The following GLIS3 variants were observed in gnomAD, a reference collection of about 807,000 sequenced individuals.
GLIS3 encodes the protein GLIS family zinc finger 3.
GLIS3 carries 53 observed loss-of-function variants against 78.6 expected under a neutral mutation model. That is an observed-to-expected ratio of 0.67 (90% CI 0.54 to 0.85). The LOEUF is 0.85. Ranked by LOEUF, GLIS3 falls within the 40% of genes least tolerant of loss-of-function variation. The probability of loss-of-function intolerance (pLI) is 0.00; values close to 1 mark genes in which losing one functional copy is unlikely to be tolerated. For missense variants in GLIS3, 1,703 were observed against 1,231.1 expected (o/e 1.38, Z -5.74); for synonymous variants, 684 against 509.9 (o/e 1.34, Z -4.60).
At chr9:4,027,528 AT>A (rs1478500521) in intron 4 of GLIS3, among the ~76,000 whole-genome samples, 4 of 151,936 alleles carry the variant, frequency 2.6e-5, no homozygotes, top group Non-Finnish European at 5.9e-5. Flanking sequence ...TCCCAATTCT[AT>A]TGTTCAGTTA....
the GLIS3 span, among the ~76,000 whole-genome samples, chr9:4,397,024 C>CTT: frequency 4.5e-4 from 54 of 121,196 alleles, no homozygotes; most frequent in South Asian, 8.2e-4. Context: ...TTCTTTTTTT[C>CTT]TTTTTTTTTT....
intron 4 of GLIS3, among the ~76,000 whole-genome samples, chr9:4,084,239 C>T (rs1828807880): frequency 7.4e-6 from 1 of 134,806 alleles, no homozygotes; most frequent in African/African-American, 2.7e-5. Flanking sequence ...ATCTCTCTCT[C>T]CTTCCTTCCT....
At chr9:4,364,957 T>C in the GLIS3 span, among the ~76,000 whole-genome samples, 2 of 152,062 alleles carry the variant, frequency 1.3e-5, no homozygotes, top group East Asian at 3.9e-4. Flanking sequence ...CATTTGTTGC[T>C]TTTAAAATAA....
At chr9:4,223,401 T>A (rs1268339413) in intron 2 of GLIS3, among the ~76,000 whole-genome samples, 1 of 152,216 alleles carries the variant, frequency 6.6e-6, no homozygotes, top group East Asian at 1.9e-4. Flanking sequence ...GCCTGTTAAG[T>A]GTGCCTCCCT....
At chr9:4,360,460 A>G in the GLIS3 span, among the ~76,000 whole-genome samples, 4 of 152,164 alleles carry the variant, frequency 2.6e-5, no homozygotes, top group East Asian at 7.7e-4. Context: ...ATTACTAGTA[A>G]TATTAATTTG....
At chr9:4,186,935 T>C (rs973291156) in intron 2 of GLIS3, among the ~76,000 whole-genome samples, 1 of 152,164 alleles carries the variant, frequency 6.6e-6, no homozygotes, top group African/African-American at 2.4e-5. Flanking sequence ...TTTTCTCCCA[T>C]TCTGTAGGTT....
At chr9:4,155,902 G>A (rs1337945067) in intron 2 of GLIS3, among the ~76,000 whole-genome samples, 1 of 152,152 alleles carries the variant, frequency 6.6e-6, no homozygotes, top group East Asian at 1.9e-4. Flanking sequence ...CACTGCTCAA[G>A]ATCATAGGAA....
chr9:4,084,284 C>A (rs1828821016), intron 4 of GLIS3, among the ~76,000 whole-genome samples: 1 of 138,942 alleles, frequency 7.2e-6, no homozygotes, highest in Non-Finnish European at 1.6e-5. Context: ...CACACACACA[C>A]ACACACACAC....
At chr9:3,935,215 G>A (rs1213807682) in intron 5 of GLIS3, among the ~76,000 whole-genome samples, 1 of 152,076 alleles carries the variant, frequency 6.6e-6, no homozygotes, top group South Asian at 2.1e-4. Context: ...AATCAAGTGT[G>A]TGATTTCTAT....
intron 2 of GLIS3, among the ~76,000 whole-genome samples, chr9:4,146,590 TAA>T (rs1834242288): frequency 1.3e-5 from 2 of 152,156 alleles, no homozygotes; most frequent in African/African-American, 4.8e-5. Flanking sequence ...TTGAAAAGAA[TAA>T]AAGTCTTATC....
Position 4,251,429 on chromosome 9 carries a change from CTT to C in GLIS3, c.388+34607_388+34608del, listed in dbSNP as rs55764240. 0.02 allele frequency among the ~76,000 whole-genome samples: 791 copies of C among 39,630 alleles called. 19 individuals are homozygous for C. The East Asian group carries it at 0.34, about 17-fold the overall frequency. The allele number at this position is 39,630 out of a possible 152,430, so 26.0% of individuals were successfully genotyped here. On this transcript the variant is annotated intron_variant, in intron 2 of 10. Coordinates refer to ENST00000381971, the MANE Select transcript of GLIS3 (RefSeq NM_001042413.2). Reference sequence around the variant, plus strand: ...TTTTATTAGAGACTAGGATTGCAATCTTTTTTTTTTTTTTTTGCTTTCCATTT... The same window carrying C: ...TTTTATTAGAGACTAGGATTGCAATCTTTTTTTTTTTTTTGCTTTCCATTT...
intron 9 of GLIS3, among the ~76,000 whole-genome samples, chr9:3,835,271 A>C (rs550240479): frequency 6.6e-6 from 1 of 152,326 alleles, no homozygotes; most frequent in South Asian, 2.1e-4. Context: ...CAGTAGGCTC[A>C]GACTGGACCA....
intron 2 of GLIS3, among the ~76,000 whole-genome samples, chr9:4,262,846 T>C (rs1347752703): frequency 6.6e-6 from 1 of 150,936 alleles, no homozygotes; most frequent in Non-Finnish European, 1.5e-5. Flanking sequence ...GAAAGGAATG[T>C]AGTGATCTAG....
intron 4 of GLIS3, among the ~76,000 whole-genome samples, chr9:4,024,680 T>A (rs1823174780): frequency 6.6e-6 from 1 of 152,208 alleles, no homozygotes; most frequent in Non-Finnish European, 1.5e-5. Context: ...CTGTACCGAT[T>A]CACAGGGCAA....
chr9:4,186,441 T>C (rs1278392283), intron 2 of GLIS3, among the ~76,000 whole-genome samples: 2 of 152,010 alleles, frequency 1.3e-5, no homozygotes, highest in African/African-American at 2.4e-5. Context: ...CTGTTGTGAA[T>C]AGTGCCACAA....
At chr9:4,213,674 A>C (rs1018675262) in intron 2 of GLIS3, among the ~76,000 whole-genome samples, 1 of 152,256 alleles carries the variant, frequency 6.6e-6, no homozygotes, top group Non-Finnish European at 1.5e-5. Flanking sequence ...TATCTTGTTC[A>C]CTGCTGAAAC....
intron 7 of GLIS3, among the ~76,000 whole-genome samples, chr9:3,887,333 T>C (rs1822147234): frequency 6.6e-6 from 1 of 152,198 alleles, no homozygotes; most frequent in Non-Finnish European, 1.5e-5. Flanking sequence ...AACATATTCA[T>C]GTCACCTGAT....
chr9:4,371,644 T>C, the GLIS3 span, among the ~76,000 whole-genome samples: 1 of 152,072 alleles, frequency 6.6e-6, no homozygotes, highest in Non-Finnish European at 1.5e-5. Context: ...CACTACAACC[T>C]TTCAACTGGC....
chr9:3,894,214 T>C (rs1481896048), intron 7 of GLIS3, among the ~76,000 whole-genome samples: 1 of 152,274 alleles, frequency 6.6e-6, no homozygotes, highest in African/African-American at 2.4e-5. Context: ...GTAATAACTA[T>C]GCATTTTTAT....
Sources: gnomAD v4.1 joint callset for allele counts (sites outside exome capture counted in the v4.1 genomes callset) on GRCh38, gnomAD v4.1.1 for gene constraint, MANE v1.5 for transcripts, NCBI Gene and HGNC (gene_info 2026-07-23, HGNC 2026-07-21) for gene names.